The following TNIK variants were observed in gnomAD, a reference collection of about 807,000 sequenced individuals.
The protein encoded by TNIK is TRAF2 and NCK-interacting protein kinase.
TNIK carries 49 observed loss-of-function variants against 191.3 expected under a neutral mutation model. The observed-to-expected ratio is 0.26, with a 90% CI of 0.20 to 0.32. The LOEUF (loss-of-function observed/expected upper bound fraction) is 0.32. Ranked by LOEUF, TNIK falls within the 10% of genes least tolerant of loss-of-function variation. The pLI is 1.00. For synonymous variants in TNIK, 594 were observed against 600.9 expected, an observed-to-expected ratio of 0.99 and a Z score of 0.17; for missense variants, 1,155 against 1,702.3, an observed-to-expected ratio of 0.68 and a Z score of 5.66.
intron 2 of TNIK, among the ~76,000 whole-genome samples, chr3:171,352,486 G>A (rs755925898): frequency 5.9e-5 from 9 of 152,278 alleles, no homozygotes; most frequent in East Asian, 5.8e-4. Flanking sequence ...CCAAAATGGC[G>A]AATGTTTGAC....
intron 2 of TNIK, among the ~76,000 whole-genome samples, chr3:171,280,893 G>A (rs1278311393): frequency 2.6e-5 from 4 of 152,092 alleles, no homozygotes; most frequent in South Asian, 2.1e-4. Context: ...ATGCTGTTAT[G>A]TTACTATAAT....
In TNIK at chr3:171,209,041, A is replaced by G. The variant is rs1250052072; in HGVS notation, c.306+2075T>C. ...CTGCCTGTGAAAATAGGGAGTCAAA[A>G]GTAAGGTGTTTGCTTTGGAAGGGGT... On this transcript the variant is annotated intron_variant, in intron 4 of 32. Transcript: ENST00000436636. 2.0e-5 allele frequency among the ~76,000 whole-genome samples: 3 copies of G among 147,324 alleles called. No homozygotes were observed. The East Asian group carries it at 6.2e-4, about 30-fold the overall frequency.
chr3:171,432,629 C>A (rs1264463340), intron 1 of TNIK, among the ~76,000 whole-genome samples: 1 of 152,190 alleles, frequency 6.6e-6, no homozygotes, highest in African/African-American at 2.4e-5. Flanking sequence ...TATGAACCAT[C>A]TAAGTTTGGT....
intron 1 of TNIK, among the ~76,000 whole-genome samples, chr3:171,371,688 C>T (rs557754306): frequency 1.3e-5 from 2 of 151,786 alleles, no homozygotes; most frequent in Admixed American, 6.6e-5. Context: ...GCCTCAGGAT[C>T]GGGAAGAAAA....
Position 171,376,750 on chromosome 3 carries a change from A to AGATAGATAGATAGATAGATAGAT in TNIK, c.58-7088_58-7066dup, listed in dbSNP as rs767022561. Among the ~76,000 whole-genome samples the AGATAGATAGATAGATAGATAGAT allele has an allele frequency of 2.1e-3, 145 of 69,938 alleles. 1 individual carries two copies. Among genetic ancestry groups the AGATAGATAGATAGATAGATAGAT allele is most frequent in the African/African-American group, 5.8e-3 (137 of 23,724 alleles). 45.9% of individuals were successfully genotyped at this position (69,938 alleles called of 152,430 possible). A position where few individuals can be genotyped will look rare whatever the true frequency, so the allele number is the denominator to read the frequency against. ...ATATACAGATAGATAGATAGATGATAGATAGATAGATAGATAGATAGATAG... is the reference window on the plus strand; with the variant it reads ...ATATACAGATAGATAGATAGATGATAGATAGATAGATAGATAGATAGATGATAGATAGATAGATAGATAGATAG... On this transcript the variant is annotated intron_variant, in intron 1 of 32. Coordinates refer to ENST00000436636, the MANE Select transcript of TNIK (RefSeq NM_015028.4).
At chr3:171,160,709 C>G (rs1577002631) in intron 11 of TNIK, among the ~76,000 whole-genome samples, 1 of 152,104 alleles carries the variant, frequency 6.6e-6, no homozygotes, top group Admixed American at 6.5e-5. Flanking sequence ...TAAAACAGCC[C>G]TGGATTCTGA....
At chr3:171,373,065 T>A (rs1293231827) in intron 1 of TNIK, among the ~76,000 whole-genome samples, 2 of 152,182 alleles carry the variant, frequency 1.3e-5, no homozygotes, top group African/African-American at 4.8e-5. Flanking sequence ...GTGAATAGTC[T>A]TTCACACAAA....
In TNIK at chr3:171,366,163, A is replaced by G. The variant is rs1715702515; in HGVS notation, c.123+3457T>C. ...TGGGTATGTGGCCTTTTGTTGGTTT[A>G]TTTTTTAATGCAGCCATGAACAGAA... On this transcript the variant is annotated intron_variant, in intron 2 of 32. Transcript: ENST00000436636. The surrounding 1 kb of genome is among the most constrained non-coding windows in gnomAD (Gnocchi z 4.1). Among the ~76,000 whole-genome samples, 1 of 152,136 alleles carries G rather than the reference A, an allele frequency of 6.6e-6. No homozygotes were observed. The highest frequency in any genetic ancestry group is 1.5e-5 in the Non-Finnish European group (1 of 67,990).
intron 2 of TNIK, among the ~76,000 whole-genome samples, chr3:171,360,604 G>A (rs1224122602): frequency 2.0e-5 from 3 of 152,192 alleles, no homozygotes; most frequent in African/African-American, 7.2e-5. Flanking sequence ...AAGGCCAGAA[G>A]AGCCATCTGT....
intron 5 of TNIK, among the ~76,000 whole-genome samples, chr3:171,192,194 T>G (rs1205961652): frequency 6.6e-6 from 1 of 152,230 alleles, no homozygotes; most frequent in Non-Finnish European, 1.5e-5. Context: ...ATTGCCTTTC[T>G]TATCTGTTCA....
In TNIK at chr3:171,159,632, A is replaced by G. The variant is rs936874496; in HGVS notation, c.1016+1638T>C. On this transcript the variant is annotated intron_variant, in intron 11 of 32. Transcript: ENST00000436636. This position sits in a 1 kb window ranked among gnomAD's most constrained non-coding sequence, Gnocchi z 4.1. ...CCCATGCACACGAGGATGCTCCATT[A>G]ATATTAATTGATATTGAATCAATGT... is the stretch of plus-strand genomic sequence containing the variant. Among the ~76,000 whole-genome samples the G allele has an allele frequency of 1.1e-4, 17 of 152,284 alleles. No homozygotes were observed. The highest frequency in any genetic ancestry group is 4.1e-4 in the African/African-American group (17 of 41,554).
At chr3:171,401,110 T>C (rs553320022) in intron 1 of TNIK, among the ~76,000 whole-genome samples, 1 of 152,200 alleles carries the variant, frequency 6.6e-6, no homozygotes, top group East Asian at 1.9e-4. Context: ...GATCTAGTCC[T>C]GAAGAAAACA....
rs182772005 is a variant in TNIK, at chr3:171,422,991, A to T, written c.57+37016T>A. Reference sequence around the variant, plus strand: ...CTTTCCCTTTTTTTAACTACCTTCCATGGCTAAAATTACAGGTATTTTAGA... The same window carrying T: ...CTTTCCCTTTTTTTAACTACCTTCCTTGGCTAAAATTACAGGTATTTTAGA... On this transcript the variant is annotated intron_variant, in intron 1 of 32. Transcript: ENST00000436636. Among the ~76,000 whole-genome samples, 22 of 152,288 alleles carry T rather than the reference A, an allele frequency of 1.4e-4. No homozygotes were observed. In the East Asian group the frequency reaches 4.1e-3, roughly 28 times the overall value.
In TNIK at chr3:171,285,851, C is replaced by T. The variant is rs1354003557; in HGVS notation, c.124-57630G>A. On this transcript the variant is annotated intron_variant, in intron 2 of 32. Coordinates refer to ENST00000436636, the MANE Select transcript of TNIK (RefSeq NM_015028.4). The stretch of plus-strand genomic sequence containing the variant: ...TCAGTGTCTGGGGCAGGCCCCAGGC[C>T]TTGGTGATTCTGATGTAGTCGGAGA... 2.0e-5 allele frequency among the ~76,000 whole-genome samples: 3 copies of T among 152,168 alleles called. No individual in the cohort carries two copies. The East Asian group carries it at 5.8e-4, about 29-fold the overall frequency.
At chr3:171,427,557 G>A (rs1577900039) in intron 1 of TNIK, among the ~76,000 whole-genome samples, 1 of 152,150 alleles carries the variant, frequency 6.6e-6, no homozygotes. Context: ...ACATATTAAA[G>A]CACCTGCCAC....
chr3:171,070,516 G>T (rs778967858), intron 29 of TNIK, among the ~76,000 whole-genome samples: 8 of 152,088 alleles, frequency 5.3e-5, no homozygotes, highest in Non-Finnish European at 1.0e-4. Flanking sequence ...GTTCACTTGG[G>T]CTATGGATAG....
At chr3:171,367,181 G>A (rs1715845341) in intron 2 of TNIK, among the ~76,000 whole-genome samples, 1 of 152,160 alleles carries the variant, frequency 6.6e-6, no homozygotes, top group African/African-American at 2.4e-5. Context: ...CAGTATTTTA[G>A]AAACATACAT....
chr3:171,122,500 C>T (rs778168368), intron 18 of TNIK, among the ~76,000 whole-genome samples: 7 of 152,192 alleles, frequency 4.6e-5, no homozygotes, highest in Non-Finnish European at 8.8e-5. Flanking sequence ...TTGGTAATTC[C>T]ACACAGAATG....
intron 4 of TNIK, among the ~76,000 whole-genome samples, chr3:171,208,333 A>T (rs951776551): frequency 1.3e-5 from 2 of 152,104 alleles, no homozygotes; most frequent in Non-Finnish European, 2.9e-5. Flanking sequence ...AAAAAAATGT[A>T]CTGAAGAGAA....
Sources: gnomAD v4.1 joint callset for allele counts (sites outside exome capture counted in the v4.1 genomes callset) on GRCh38, gnomAD v4.1.1 for gene constraint, Gnocchi (gnomAD v3.1) non-coding constraint, MANE v1.5 for transcripts, NCBI Gene and HGNC (gene_info 2026-07-23, HGNC 2026-07-21) for gene names.